The following BORCS5 variants were observed in gnomAD, a reference collection of about 807,000 sequenced individuals.
BORCS5 encodes BLOC-1-related complex subunit 5.
Under a neutral mutation model 22.1 loss-of-function variants are expected in BORCS5, and 17 were observed. That is an observed-to-expected ratio of 0.77 (90% CI 0.53 to 1.15). The LOEUF (loss-of-function observed/expected upper bound fraction) is 1.15, where lower values mean the gene tolerates loss of function less well. Among genes scored for constraint, BORCS5 ranks in the 50% most tolerant of loss-of-function variants. The probability of loss-of-function intolerance (pLI) is 0.00; values close to 1 mark genes in which losing one functional copy is unlikely to be tolerated. For missense variants in BORCS5, 247 were observed against 253.2 expected, an observed-to-expected ratio of 0.98 and a Z score of 0.17; for synonymous variants, 117 against 99.8, an observed-to-expected ratio of 1.17 and a Z score of -1.03.
At chr12:12,408,857 G>A (rs1172866094) in intron 2 of BORCS5, among the ~76,000 whole-genome samples, 3 of 152,110 alleles carry the variant, frequency 2.0e-5, no homozygotes, top group Non-Finnish European at 2.9e-5. Flanking sequence ...AATTTGAATT[G>A]TTTCCATGTT....
Position 12,465,785 on chromosome 12 carries a change from C to G in BORCS5, c.*9C>G, listed in dbSNP as rs746712502. 2 of 1,605,884 alleles carry G rather than the reference C, an allele frequency of 1.2e-6. No homozygotes were observed. The highest frequency in any genetic ancestry group is 1.7e-4 in the Middle Eastern group (1 of 5,816). On this transcript the variant is annotated 3_prime_UTR_variant, in exon 4 of 4. Transcript: ENST00000314565. ...GCGAGCTCAGGCTGTAGCTGCTGCCCGGCCTGCCTGGGGCTGGGAGCCCCA... is the reference window on the plus strand; with the variant it reads ...GCGAGCTCAGGCTGTAGCTGCTGCCGGGCCTGCCTGGGGCTGGGAGCCCCA...
rs1592151569 is a variant in BORCS5 at position 12,471,065 on chromosome 12, A to G, written c.*5289A>G. Among the ~76,000 whole-genome samples the G allele has an allele frequency of 6.6e-6, 1 of 152,152 alleles. No homozygotes were observed. Among genetic ancestry groups the G allele is most frequent in the African/African-American group, 2.4e-5 (1 of 41,434 alleles). On this transcript the variant is annotated 3_prime_UTR_variant, in exon 4 of 4. Coordinates refer to ENST00000314565, the MANE Select transcript of BORCS5 (RefSeq NM_058169.6). ...TACTGAATGCTCTTCAGGTTACCCT[A>G]TTTGCCTGTCACATTGCTTCTACCG...
At chr12:12,411,541 T>C (rs558678931) in intron 2 of BORCS5, among the ~76,000 whole-genome samples, 7 of 152,298 alleles carry the variant, frequency 4.6e-5, no homozygotes, top group African/African-American at 1.7e-4. Flanking sequence ...TTTGAAAGTA[T>C]TTTCTGCATT....
At chr12:12,422,287 AT>A (rs71061064) in intron 2 of BORCS5, among the ~76,000 whole-genome samples, 43,659 of 147,752 alleles carry the variant, frequency 0.3, 7,465 homozygotes, top group Non-Finnish European at 0.39. Flanking sequence ...CTTTTCTTTT[AT>A]TTTTTTTTTT....
intron 3 of BORCS5, among the ~76,000 whole-genome samples, chr12:12,456,927 G>A (rs187121410): frequency 1.3e-5 from 2 of 151,708 alleles, no homozygotes; most frequent in African/African-American, 4.9e-5. Flanking sequence ...TAATGTAACC[G>A]AGATGAGGCG....
intron 2 of BORCS5, among the ~76,000 whole-genome samples, chr12:12,364,539 C>T (rs1470604248): frequency 2.6e-5 from 4 of 152,240 alleles, no homozygotes; most frequent in Non-Finnish European, 4.4e-5. Flanking sequence ...AGAAAATCTA[C>T]GTATAAGTGG....
chr12:12,367,192 A>G (rs1334988012), intron 2 of BORCS5, among the ~76,000 whole-genome samples: 2 of 152,216 alleles, frequency 1.3e-5, no homozygotes, highest in Admixed American at 1.3e-4. Context: ...GAAGCAATGG[A>G]AAAAGGGCGA....
intron 2 of BORCS5, among the ~76,000 whole-genome samples, chr12:12,406,654 AAC>A (rs996701928): frequency 6.6e-6 from 1 of 152,200 alleles, no homozygotes; most frequent in African/African-American, 2.4e-5. Context: ...ACAAAAAAAA[AAC>A]GTGTCAGGTC....
At chr12:12,389,699 G>A (rs1941119595) in intron 2 of BORCS5, among the ~76,000 whole-genome samples, 1 of 151,958 alleles carries the variant, frequency 6.6e-6, no homozygotes, top group South Asian at 2.1e-4. Context: ...GCTGGAGTGC[G>A]GTGGCATGAT....
intron 2 of BORCS5, among the ~76,000 whole-genome samples, chr12:12,410,566 G>T (rs1158617478): frequency 1.3e-5 from 2 of 152,050 alleles, no homozygotes; most frequent in African/African-American, 4.8e-5. Flanking sequence ...TGAGGGCTCT[G>T]TTCTGTTCCA....
intron 2 of BORCS5, among the ~76,000 whole-genome samples, chr12:12,392,045 CAAAAAAAAA>C (rs61408318): frequency 9.0e-5 from 6 of 66,858 alleles, no homozygotes; most frequent in Non-Finnish European, 1.4e-4. Context: ...GACTTCATTT[CAAAAAAAAA>C]AAAAAAAAAA....
intron 3 of BORCS5, among the ~76,000 whole-genome samples, chr12:12,463,287 T>G (rs1943145100): frequency 6.6e-6 from 1 of 152,150 alleles, no homozygotes; most frequent in Non-Finnish European, 1.5e-5. Context: ...GCATCAACAG[T>G]TTTACCATCC....
At chr12:12,435,323 G>A (rs552602965) in intron 2 of BORCS5, among the ~76,000 whole-genome samples, 4 of 152,274 alleles carry the variant, frequency 2.6e-5, no homozygotes, top group African/African-American at 4.8e-5. Context: ...GCTATGTGAC[G>A]TTTGGAAAGT....
chr12:12,394,954 A>T (rs1051728594), intron 2 of BORCS5, among the ~76,000 whole-genome samples: 1 of 152,138 alleles, frequency 6.6e-6, no homozygotes, highest in African/African-American at 2.4e-5. Context: ...AAAAAGATTT[A>T]AACTCAGGTC....
In BORCS5 at chr12:12,454,354, C is replaced by T. The variant is rs145308354; in HGVS notation, c.361-11192C>T. Among the ~76,000 whole-genome samples the T allele has an allele frequency of 1.4e-3, 206 of 152,318 alleles. 1 individual carries two copies. Among genetic ancestry groups the T allele is most frequent in the Admixed American group, 1.6e-3 (25 of 15,300 alleles). ...CTCACTAACATTTGTCATTGTCTGC[C>T]TTTTAATTTGAGCCATCCCAGTGGG... On this transcript the variant is annotated intron_variant, in intron 3 of 3. Transcript: ENST00000314565.
rs761521462 is a variant in BORCS5, at chr12:12,370,755, CT to C, written c.202+9416del. Among the ~76,000 whole-genome samples, 567 of 147,888 alleles carry C rather than the reference CT, an allele frequency of 3.8e-3. 4 individuals carry two copies. The highest frequency in any genetic ancestry group is 0.012 in the African/African-American group (471 of 40,500). ...CATCTTCAATCTAACTTCCTGTGTCCTTTTTTTTTTGGAGATGGAGTCTCGC... is the reference window on the plus strand; with the variant it reads ...CATCTTCAATCTAACTTCCTGTGTCCTTTTTTTTTGGAGATGGAGTCTCGC... On this transcript the variant is annotated intron_variant, in intron 2 of 3. Coordinates refer to ENST00000314565, the MANE Select transcript of BORCS5 (RefSeq NM_058169.6).
In BORCS5 at chr12:12,369,637, T is replaced by G. The variant is rs566031160; in HGVS notation, c.202+8288T>G. ...AGTCTTGATATTTATTATAGTTCAT[T>G]TAGAATTACTATTGTATCACTTCAT... On this transcript the variant is annotated intron_variant, in intron 2 of 3. Coordinates refer to ENST00000314565, the MANE Select transcript of BORCS5 (RefSeq NM_058169.6). Among the ~76,000 whole-genome samples, 52 of 151,910 alleles carry G rather than the reference T, an allele frequency of 3.4e-4. 2 individuals carry two copies. In the South Asian group the frequency reaches 0.011, roughly 32 times the overall value.
At chr12:12,400,560 C>G (rs1941444407) in intron 2 of BORCS5, among the ~76,000 whole-genome samples, 1 of 144,560 alleles carries the variant, frequency 6.9e-6, no homozygotes, top group Admixed American at 7.1e-5. Context: ...CCTAGAATTT[C>G]TTTTTCATTT....
At chr12:12,397,480 T>G (rs548721286) in intron 2 of BORCS5, among the ~76,000 whole-genome samples, 1 of 152,336 alleles carries the variant, frequency 6.6e-6, no homozygotes, top group Non-Finnish European at 1.5e-5. Flanking sequence ...AAGTCTGCTG[T>G]GCTGCTAATA....
Sources: allele counts gnomAD v4.1 joint callset (sites outside exome capture counted in the v4.1 genomes callset), GRCh38; gene constraint gnomAD v4.1.1; transcripts MANE v1.5; gene names NCBI Gene and HGNC (gene_info 2026-07-23, HGNC 2026-07-21).